Variants in CDYL observed in about 807,000 individuals in gnomAD.
The protein encoded by CDYL is chromodomain Y-like protein.
CDYL carries 8 observed loss-of-function variants against 47.3 expected under a neutral mutation model. The ratio of observed to expected loss-of-function variants is 0.17; its 90% CI spans 0.10 to 0.31. The LOEUF is 0.31. CDYL is among the 10% of genes least tolerant of loss of function. The pLI is 1.00. For synonymous variants in CDYL, 266 were observed against 265.0 expected (o/e 1.00, Z -0.04); for missense variants, 471 against 701.4 (o/e 0.67, Z 3.71).
chr6:4,836,332 T>C (rs1429491962), intron 1 of CDYL: 1 of 868,826 alleles, frequency 1.2e-6, no homozygotes, highest in Non-Finnish European at 1.4e-6. Context: ...ATTTATTTTA[T>C]ACGTGTGCTT....
chr6:4,882,278 G>A (rs1432539612), intron 1 of CDYL, among the ~76,000 whole-genome samples: 1 of 152,226 alleles, frequency 6.6e-6, no homozygotes, highest in African/African-American at 2.4e-5. Flanking sequence ...GGGTCAATGG[G>A]TGAGATTTTA....
intron 1 of CDYL, among the ~76,000 whole-genome samples, chr6:4,853,760 T>C (rs1345167573): frequency 6.6e-6 from 1 of 152,258 alleles, no homozygotes; most frequent in Non-Finnish European, 1.5e-5. Flanking sequence ...CATCACCGTT[T>C]GTGTGGCACA....
chr6:4,910,102 G>A (rs941697614), intron 2 of CDYL, among the ~76,000 whole-genome samples: 48 of 151,714 alleles, frequency 3.2e-4, no homozygotes, highest in African/African-American at 1.1e-3. Flanking sequence ...CTTCCTGGGA[G>A]AAGACTCCCC....
chr6:4,894,993 A>G (rs1272459532), intron 2 of CDYL, among the ~76,000 whole-genome samples: 1 of 151,396 alleles, frequency 6.6e-6, no homozygotes, highest in Admixed American at 6.6e-5. Context: ...ATATGTGTAT[A>G]CTTGTGTGTA....
chr6:4,930,595 C>T (rs1243423079), intron 2 of CDYL, among the ~76,000 whole-genome samples: 1 of 152,196 alleles, frequency 6.6e-6, no homozygotes, highest in Admixed American at 6.5e-5. Context: ...ATTCAGTTTC[C>T]TAGCTATCAG....
intron 2 of CDYL, among the ~76,000 whole-genome samples, chr6:4,910,896 C>T (rs1343182440): frequency 1.3e-5 from 2 of 151,864 alleles, no homozygotes; most frequent in African/African-American, 4.8e-5. Context: ...TGCAGTGGCA[C>T]GACCTCGGCT....
chr6:4,877,867 G>C (rs891989895), intron 1 of CDYL, among the ~76,000 whole-genome samples: 19 of 152,114 alleles, frequency 1.2e-4, no homozygotes, highest in African/African-American at 3.1e-4. Context: ...CCACATAAAA[G>C]CTTGCCAGGA....
At chr6:4,772,778 G>A (rs187439286), upstream of CDYL, among the ~76,000 whole-genome samples, 82 of 152,238 alleles carry the variant, frequency 5.4e-4, no homozygotes, top group African/African-American at 1.9e-3. Flanking sequence ...ATATGCTTTG[G>A]GGGTACAAAA....
At chr6:4,762,622 G>A (rs1175495623) in intron 3 of CDYL, among the ~76,000 whole-genome samples, 10 of 97,864 alleles carry the variant, frequency 1.0e-4, no homozygotes, top group African/African-American at 4.3e-4. Flanking sequence ...CAAATCAAAA[G>A]GATATTCCAG....
intron 3 of CDYL, among the ~76,000 whole-genome samples, chr6:4,755,645 T>C (rs1479759229): frequency 6.6e-6 from 1 of 152,162 alleles, no homozygotes; most frequent in Non-Finnish European, 1.5e-5. Context: ...GACTTAGCAA[T>C]AACAAGAAAA....
At chr6:4,865,919 A>G (rs1446865808) in intron 1 of CDYL, among the ~76,000 whole-genome samples, 6 of 152,210 alleles carry the variant, frequency 3.9e-5, no homozygotes, top group Admixed American at 3.9e-4. Context: ...TTGAACAGCT[A>G]CAGTTTTAAG....
intron 1 of CDYL, among the ~76,000 whole-genome samples, chr6:4,790,278 T>C (rs1185343918): frequency 6.6e-6 from 1 of 152,234 alleles, no homozygotes. Flanking sequence ...AAATGTATAG[T>C]GAGCAGTTAA....
intron 2 of CDYL, among the ~76,000 whole-genome samples, chr6:4,903,636 C>T (rs1426938852): frequency 5.3e-5 from 8 of 152,194 alleles, no homozygotes; most frequent in Admixed American, 5.2e-4. Context: ...CACCAGCAGT[C>T]TCTGGCCCCA....
chr6:4,915,101 T>G (rs932756193), intron 2 of CDYL, among the ~76,000 whole-genome samples: 2 of 152,230 alleles, frequency 1.3e-5, no homozygotes, highest in East Asian at 3.8e-4. Context: ...ATAACCACAG[T>G]CTACTTTAAT....
intron 2 of CDYL, among the ~76,000 whole-genome samples, chr6:4,907,999 G>A (rs1308799424): frequency 1.3e-5 from 2 of 152,150 alleles, no homozygotes; most frequent in East Asian, 3.9e-4. Context: ...GTGCCCATAA[G>A]GAAAGAGACA....
rs146731102 is a variant in CDYL at position 4,845,443 on chromosome 6, G to A, written c.25-46270G>A. Among the ~76,000 whole-genome samples, 272 of 152,284 alleles carry A rather than the reference G, an allele frequency of 1.8e-3. 2 individuals carry two copies. The highest frequency in any genetic ancestry group is 3.4e-3 in the Middle Eastern group (1 of 294). ...TTAACTTTAGTTTAATTTGTTCTTC[G>A]TTATTGTGTATATGAAAACCTGTAT... On this transcript the variant is annotated intron_variant, in intron 1 of 6. Coordinates refer to ENST00000397588, the MANE Select transcript of CDYL (RefSeq NM_004824.4).
chr6:4,843,234 C>T (rs910691443), intron 1 of CDYL, among the ~76,000 whole-genome samples: 12 of 152,106 alleles, frequency 7.9e-5, no homozygotes, highest in Non-Finnish European at 1.8e-4. Context: ...GCTTTTGCCT[C>T]ACAGCTCTTA....
At chr6:4,875,400 T>A (rs902214033) in intron 1 of CDYL, among the ~76,000 whole-genome samples, 11 of 152,182 alleles carry the variant, frequency 7.2e-5, no homozygotes, top group African/African-American at 2.7e-4. Context: ...TGGGTATCAA[T>A]TTGGGAAAAA....
At chr6:4,836,178 G>A (rs539721890) in intron 1 of CDYL, 6 of 426,608 alleles carry the variant, frequency 1.4e-5, no homozygotes, top group African/African-American at 2.2e-5. Flanking sequence ...CGTCGCTCAC[G>A]CTGGGAGCTG....
Sources: gnomAD v4.1 joint callset for allele counts (sites outside exome capture counted in the v4.1 genomes callset) on GRCh38, gnomAD v4.1.1 for gene constraint, MANE v1.5 for transcripts, NCBI Gene and HGNC (gene_info 2026-07-23, HGNC 2026-07-21) for gene names.